Variants in SLC6A5 observed in about 807,000 individuals in gnomAD.
The protein encoded by SLC6A5 is solute carrier family 6 member 5.
SLC6A5 carries 58 observed loss-of-function variants against 90.5 expected under a neutral mutation model. The ratio of observed to expected loss-of-function variants is 0.64; its 90% CI spans 0.52 to 0.80. The LOEUF is 0.80. Ranked by LOEUF, SLC6A5 falls within the 30% of genes least tolerant of loss-of-function variation. The pLI is 0.00. For missense variants in SLC6A5, 1,015 were observed against 1,017.6 expected, an observed-to-expected ratio of 1.00 and a Z score of 0.03; for synonymous variants, 427 against 401.4, an observed-to-expected ratio of 1.06 and a Z score of -0.76.
chr11:20,611,628 T>G (rs1852695140), intron 5 of SLC6A5, among the ~76,000 whole-genome samples: 2 of 152,326 alleles, frequency 1.3e-5, no homozygotes, highest in East Asian at 1.9e-4. Flanking sequence ...CCTATCTCCT[T>G]GTTCAGTGGC....
intron 15 of SLC6A5, among the ~76,000 whole-genome samples, chr11:20,654,076 G>A (rs775270147): frequency 1.3e-5 from 2 of 152,144 alleles, no homozygotes; most frequent in Non-Finnish European, 2.9e-5. Context: ...AAAAATTTCA[G>A]CTGAAGGATT....
intron 12 of SLC6A5, 114 bp from the exon 13 acceptor site, chr11:20,638,345 A>G (rs1209950561): frequency 4.0e-6 from 3 of 748,150 alleles, no homozygotes; most frequent in Non-Finnish European, 7.4e-6. Flanking sequence ...AGATGCATGG[A>G]CTCCTGTTTG....
intron 7 of SLC6A5, among the ~76,000 whole-genome samples, chr11:20,620,912 G>T (rs1314987948): frequency 1.3e-5 from 2 of 152,002 alleles, no homozygotes; most frequent in Non-Finnish European, 2.9e-5. Flanking sequence ...TGATTGTCCT[G>T]CCTCAGACTC....
intron 11 of SLC6A5, among the ~76,000 whole-genome samples, chr11:20,636,794 C>T (rs760491000): frequency 2.6e-4 from 39 of 152,122 alleles, no homozygotes; most frequent in Non-Finnish European, 5.4e-4. Context: ...ATCATGCTGA[C>T]AGGTGCTCAG....
chr11:20,655,165 A>G lies in SLC6A5; in HGVS notation c.*297A>G. The G allele has an allele frequency of 2.4e-6, 1 of 413,364 alleles. No individual in the cohort carries two copies. The allele number at this position is 413,364 out of a possible 1,614,324, so 25.6% of individuals were successfully genotyped here. A position where few individuals can be genotyped will look rare whatever the true frequency, so the allele number is the denominator to read the frequency against. On this transcript the variant is annotated 3_prime_UTR_variant, in exon 16 of 16. Transcript: ENST00000525748. ...GAGGATCAGTTAGGTGAGCACTGGT[A>G]GGTATGCGTGGTTTTGTCAATAGAG...
chr11:20,621,361 T>G (rs1464230384), intron 7 of SLC6A5, among the ~76,000 whole-genome samples: 1 of 152,228 alleles, frequency 6.6e-6, no homozygotes, highest in Non-Finnish European at 1.5e-5. Context: ...TCTTTTTATC[T>G]TATTAGTCTG....
At chr11:20,650,962 G>A (rs978984884) in intron 14 of SLC6A5, among the ~76,000 whole-genome samples, 4 of 151,918 alleles carry the variant, frequency 2.6e-5, no homozygotes, top group African/African-American at 9.7e-5. Context: ...CACCGCGCCC[G>A]GCCAGACGCC....
chr11:20,604,431 C>T lies in SLC6A5; in HGVS notation c.679+7C>T. On this transcript the variant is annotated splice_region_variant and intron_variant, in intron 3 of 15. Transcript: ENST00000525748. ...GCCTTCCAGAACGGGGGAGGTATGG[C>T]TTTTCCGCTCTTTCCGCCTGCGGCG... 1 of 1,612,868 alleles carries T rather than the reference C, an allele frequency of 6.2e-7. No individual in the cohort carries two copies. Among genetic ancestry groups the T allele is most frequent in the South Asian group, 1.1e-5 (1 of 90,960 alleles).
intron 3 of SLC6A5, among the ~76,000 whole-genome samples, chr11:20,606,421 C>T (rs1202204651): frequency 6.6e-6 from 1 of 152,296 alleles, no homozygotes; most frequent in South Asian, 2.1e-4. Flanking sequence ...GAAGGAACTT[C>T]TCATATGGGG....
chr11:20,627,885 C>T (rs952514933), intron 8 of SLC6A5, 95 bp from the exon 9 acceptor site: 35 of 875,074 alleles, frequency 4.0e-5, no homozygotes, highest in Non-Finnish European at 5.8e-5. Flanking sequence ...TGATGTTTCC[C>T]CTGGAAACAT....
intron 10 of SLC6A5, among the ~76,000 whole-genome samples, chr11:20,631,242 C>T (rs1366800196): frequency 6.6e-6 from 1 of 152,196 alleles, no homozygotes; most frequent in Non-Finnish European, 1.5e-5. Flanking sequence ...AGTGAGAGAA[C>T]TGACTTCAGA....
chr11:20,603,784 C>G (rs1852522483), intron 2 of SLC6A5, among the ~76,000 whole-genome samples: 1 of 152,052 alleles, frequency 6.6e-6, no homozygotes, highest in African/African-American at 2.4e-5. Context: ...GGCACACACT[C>G]TAAAGGAAGA....
At chr11:20,637,142 T>A (rs751436774) in intron 11 of SLC6A5, 30 bp from the exon 12 acceptor site, 19 of 1,612,822 alleles carry the variant, frequency 1.2e-5, no homozygotes, top group Non-Finnish European at 1.5e-5. Context: ...ACAATTTGAC[T>A]CAGATGTTCA....
At chr11:20,623,544 A>G (rs1852932962) in intron 7 of SLC6A5, among the ~76,000 whole-genome samples, 1 of 152,156 alleles carries the variant, frequency 6.6e-6, no homozygotes, top group Non-Finnish European at 1.5e-5. Context: ...TTCTTGCTAC[A>G]TAGCAACTGG....
At chr11:20,604,920 G>T (rs1250651304) in intron 3 of SLC6A5, among the ~76,000 whole-genome samples, 1 of 152,168 alleles carries the variant, frequency 6.6e-6, no homozygotes, top group Non-Finnish European at 1.5e-5. Context: ...TGCCACCCCC[G>T]CCTTCTTCTG....
chr11:20,617,052 G>A (rs1852795894), intron 6 of SLC6A5, among the ~76,000 whole-genome samples: 1 of 152,206 alleles, frequency 6.6e-6, no homozygotes. Flanking sequence ...TTCCTCAGGG[G>A]TGGGGCTGCC....
chr11:20,614,075 G>A lies in SLC6A5; in HGVS notation c.986-604G>A, dbSNP rs935745430. Among the ~76,000 whole-genome samples the A allele has an allele frequency of 4.6e-5, 7 of 152,150 alleles. 1 individual carries two copies. The highest frequency in any genetic ancestry group is 4.1e-4 in the South Asian group (2 of 4,828). Reference sequence around the variant, plus strand: ...GTGGTTGCTGCCTCTGCTTACCCACGTGAGAGTAGAAAGTACACAGCACGT... The same window carrying A: ...GTGGTTGCTGCCTCTGCTTACCCACATGAGAGTAGAAAGTACACAGCACGT... On this transcript the variant is annotated intron_variant, in intron 5 of 15. Coordinates refer to ENST00000525748, the MANE Select transcript of SLC6A5 (RefSeq NM_004211.5).
chr11:20,613,656 T>C (rs1303500210), intron 5 of SLC6A5, among the ~76,000 whole-genome samples: 1 of 63,902 alleles, frequency 1.6e-5, no homozygotes, highest in East Asian at 6.5e-4. Flanking sequence ...ATAATTCTTT[T>C]TTTTTTTTTT....
rs542600663 is a variant in SLC6A5 at position 20,631,485 on chromosome 11, A to G, written c.1624+670A>G. ...GCTTTCAAGTTGACAAAGAGCTTTC[A>G]TTTTTATTTCACTTAATCCATATTA... On this transcript the variant is annotated intron_variant, in intron 10 of 15. Transcript: ENST00000525748. Among the ~76,000 whole-genome samples the G allele has an allele frequency of 3.3e-5, 5 of 152,294 alleles. No individual in the cohort carries two copies. In the East Asian group the frequency reaches 9.6e-4, roughly 29 times the overall value.
Sources: gnomAD v4.1 joint callset for allele counts (sites outside exome capture counted in the v4.1 genomes callset) on GRCh38, gnomAD v4.1.1 for gene constraint, MANE v1.5 for transcripts, NCBI Gene and HGNC (gene_info 2026-07-23, HGNC 2026-07-21) for gene names.